Variants in VDR observed in about 807,000 individuals in gnomAD.
The protein encoded by VDR is vitamin D3 receptor.
VDR carries 19 observed loss-of-function variants against 39.7 expected under a neutral mutation model. The observed-to-expected ratio is 0.48, with a 90% CI of 0.33 to 0.70. The LOEUF (loss-of-function observed/expected upper bound fraction) is 0.70, where lower values mean the gene tolerates loss of function less well. Among genes scored for constraint, VDR ranks in the 30% least tolerant of loss-of-function variants. The pLI, the probability that VDR is intolerant of heterozygous loss-of-function variation, is 0.02. For synonymous variants in VDR, 242 were observed against 215.8 expected (o/e 1.12, Z -1.07); for missense variants, 442 against 570.5 (o/e 0.77, Z 2.29).
chr12:47,897,099 A>G (rs1946477512), intron 1 of VDR: 2 of 152,184 alleles, frequency 1.3e-5, no homozygotes, highest in South Asian at 4.1e-4. Flanking sequence ...TCTGGTTCTG[A>G]TTTAGTAGCT....
chr12:47,853,373 G>A (rs556532075), intron 7 of VDR, among the ~76,000 whole-genome samples: 31 of 151,892 alleles, frequency 2.0e-4, no homozygotes, highest in African/African-American at 7.0e-4. Flanking sequence ...AACCCGGGAG[G>A]CGGAGCTTGC....
chr12:47,854,125 A>T (rs1426902944), intron 7 of VDR, among the ~76,000 whole-genome samples: 2 of 151,860 alleles, frequency 1.3e-5, no homozygotes, highest in East Asian at 3.8e-4. Context: ...AATGGTCTTT[A>T]TTTTTTTCTT....
intron 7 of VDR, among the ~76,000 whole-genome samples, chr12:47,849,618 G>A (rs1297747439): frequency 6.6e-6 from 1 of 152,142 alleles, no homozygotes; most frequent in African/African-American, 2.4e-5. Context: ...ATAGTCTAAT[G>A]ACACAATGTC....
intron 4 of VDR, among the ~76,000 whole-genome samples, chr12:47,860,003 T>A (rs756528205): frequency 6.0e-5 from 9 of 149,812 alleles, no homozygotes; most frequent in Non-Finnish European, 1.2e-4. Flanking sequence ...CGCTCTATTA[T>A]CCAGGCTGGA....
At chr12:47,862,226 G>A (rs1023450050) in intron 4 of VDR, among the ~76,000 whole-genome samples, 1 of 152,222 alleles carries the variant, frequency 6.6e-6, no homozygotes, top group African/African-American at 2.4e-5. Flanking sequence ...ACTAAGAATG[G>A]AAAAGAGAGA....
chr12:47,881,086 GTA>G (rs1323326803), intron 2 of VDR, among the ~76,000 whole-genome samples: 115 of 128,708 alleles, frequency 8.9e-4, no homozygotes, highest in African/African-American at 3.3e-3. Context: ...AGAAAATACA[GTA>G]TATGTGTGTG....
chr12:47,845,055 C>G (rs1291491572), intron 9 of VDR, 50 bp from the exon 10 acceptor site: 1 of 1,600,322 alleles, frequency 6.2e-7, no homozygotes, highest in Admixed American at 1.7e-5. Context: ...CAGCTGGGCC[C>G]CTCACTGCTC....
rs1441519761 is a variant in VDR at position 47,855,793 on chromosome 12, C to T, written c.592G>A (p.Asp198Asn). 8 of 1,613,778 alleles carry T rather than the reference C, an allele frequency of 5.0e-6. No homozygotes were observed. Among genetic ancestry groups the T allele is most frequent in the South Asian group, 1.1e-5 (1 of 91,050 alleles). The stretch of plus-strand genomic sequence containing the variant: ...TCCAGATTGGAGAAGCTGGACGAGT[C>T]CATCATGTCTGGGAGAGATGAGGGA... ...DHCITSSDMM[D>N]SSSFSNLDLS... The change falls in exon 7 of 10, where the codon GAC becomes AAC. Residue 198 changes from aspartate (D) to asparagine (N), a missense_variant. Transcript: ENST00000549336.
intron 1 of VDR, among the ~76,000 whole-genome samples, chr12:47,903,256 G>C (rs1309244447): frequency 2.0e-5 from 3 of 151,570 alleles, no homozygotes; most frequent in African/African-American, 7.3e-5. Flanking sequence ...CCAGAGCATA[G>C]ACTGTGAATT....
At chr12:47,859,842 CTTCCTTCCTTCCTTCCTTCCTTCT>C (rs1186751387) in intron 4 of VDR, among the ~76,000 whole-genome samples, 1,078 of 75,208 alleles carry the variant, frequency 0.014, 48 homozygotes, top group African/African-American at 0.024. Context: ...CTTCCTTTCC[CTTCCTTCCTTCCTTCCTTCCTTCT>C]TTCCTTCCTT....
chr12:47,876,716 C>T (rs1383118981), intron 3 of VDR, among the ~76,000 whole-genome samples: 4 of 152,246 alleles, frequency 2.6e-5, no homozygotes, highest in African/African-American at 7.2e-5. Flanking sequence ...CACACTCAGC[C>T]TGGGGCATGA....
At chr12:47,873,384 A>C (rs1945928908) in intron 3 of VDR, among the ~76,000 whole-genome samples, 1 of 51,770 alleles carries the variant, frequency 1.9e-5, no homozygotes, top group Non-Finnish European at 3.9e-5. Context: ...TTTTTTTGAG[A>C]CGGAGTCTCG....
intron 3 of VDR, among the ~76,000 whole-genome samples, chr12:47,873,405 C>T (rs1162502021): frequency 6.6e-5 from 9 of 135,992 alleles, no homozygotes; most frequent in African/African-American, 1.9e-4. Flanking sequence ...CTGTCGCCCA[C>T]GCTGGAGTGC....
At chr12:47,904,741 C>G in intron 1 of VDR, 1 of 1,130,358 alleles carries the variant, frequency 8.8e-7, no homozygotes. Flanking sequence ...CTGCTCCCCT[C>G]GCCAGCCTGG....
intron 9 of VDR, 52 bp downstream of exon 9, chr12:47,846,283 T>C: frequency 6.5e-7 from 1 of 1,549,750 alleles, no homozygotes. Context: ...TCTTTGTCCT[T>C]CATACTCCCC....
At chr12:47,899,774 G>A (rs561052799) in intron 1 of VDR, 35 of 471,450 alleles carry the variant, frequency 7.4e-5, no homozygotes, top group Non-Finnish European at 9.5e-5. Context: ...TTGGGCAGGT[G>A]GCTGCATCTC....
chr12:47,869,981 G>T (rs972272159), intron 3 of VDR, among the ~76,000 whole-genome samples: 1 of 152,196 alleles, frequency 6.6e-6, no homozygotes, highest in African/African-American at 2.4e-5. Flanking sequence ...GTCATATGAA[G>T]CCCGAGAACA....
At chr12:47,856,995 G>C (rs1945501622) in intron 6 of VDR, 134 bp downstream of exon 6, 1 of 1,390,946 alleles carries the variant, frequency 7.2e-7, no homozygotes, top group Non-Finnish European at 1.0e-6. Flanking sequence ...TGAAGACGCT[G>C]CATAGCGCAC....
rs1945205674 is a variant in VDR at position 47,843,236 on chromosome 12, G to C, written c.*1510C>G. 6.6e-6 allele frequency: 1 copy of C among 152,316 alleles called. No individual in the cohort carries two copies. Among genetic ancestry groups the C allele is most frequent in the African/African-American group, 2.4e-5 (1 of 41,424 alleles). The allele number at this position is 152,316 out of a possible 1,614,324, so 9.4% of individuals were successfully genotyped here. On this transcript the variant is annotated 3_prime_UTR_variant, in exon 10 of 10. Coordinates refer to ENST00000549336, the MANE Select transcript of VDR (RefSeq NM_000376.3). ...CCAAGGCTCTTGCAGTGTGAAGTCTGATTCCTCTCTGGGTTTTCAGGGAAC... is the reference window on the plus strand; with the variant it reads ...CCAAGGCTCTTGCAGTGTGAAGTCTCATTCCTCTCTGGGTTTTCAGGGAAC...
Sources: gnomAD v4.1 joint callset for allele counts (sites outside exome capture counted in the v4.1 genomes callset) on GRCh38, gnomAD v4.1.1 for gene constraint, MANE v1.5 for transcripts, NCBI Gene and HGNC (gene_info 2026-07-23, HGNC 2026-07-21) for gene names.